Variants in EHF observed in about 807,000 individuals in gnomAD.
EHF encodes ETS homologous factor, also known as ESE3 transcription factor.
Under a neutral mutation model 45.1 loss-of-function variants are expected in EHF, and 14 were observed. That is an observed-to-expected ratio of 0.31 (90% CI 0.21 to 0.49). The LOEUF is 0.49. Ranked by LOEUF, EHF falls within the 20% of genes least tolerant of loss-of-function variation. The pLI, the probability that EHF is intolerant of heterozygous loss-of-function variation, is 0.99. For synonymous variants in EHF, 136 were observed against 131.8 expected (o/e 1.03, Z -0.22); for missense variants, 282 against 371.4 (o/e 0.76, Z 1.98).
Position 34,646,491 on chromosome 11 carries a change from G to T in EHF, c.150G>T (p.Trp50Cys). The change falls in exon 3 of 9, where the codon TGG becomes TGT. Residue 50 changes from tryptophan (W) to cysteine (C), a missense_variant. By Grantham distance (215) the Trp-to-Cys change is radical. This residue lies in a region of EHF where 213 missense variants were observed against 247.3 expected (regional missense o/e 0.86). Coordinates refer to ENST00000257831, the MANE Select transcript of EHF (RefSeq NM_012153.6). Reference sequence around the variant, plus strand: ...GGCATGAAATTCATCCTCAGTACTGGACCAAGTACCAGGTGTGGGAGTGGC... The same window carrying T: ...GGCATGAAATTCATCCTCAGTACTGTACCAAGTACCAGGTGTGGGAGTGGC... ...GQWHEIHPQY[W>C]TKYQVWEWLQ... 6.2e-7 allele frequency: 1 copy of T among 1,614,064 alleles called. No homozygotes were observed. Among genetic ancestry groups the T allele is most frequent in the Non-Finnish European group, 8.5e-7 (1 of 1,179,996 alleles).
At chr11:34,633,694 A>C (rs1853116719) in intron 1 of EHF, among the ~76,000 whole-genome samples, 1 of 152,154 alleles carries the variant, frequency 6.6e-6, no homozygotes, top group Admixed American at 6.5e-5. Context: ...GTTTCTTTTG[A>C]GGCCTCAAAA....
intron 2 of EHF, among the ~76,000 whole-genome samples, chr11:34,645,126 A>G (rs1217934385): frequency 6.6e-6 from 1 of 152,086 alleles, no homozygotes; most frequent in Non-Finnish European, 1.5e-5. Flanking sequence ...ATCTATTTCC[A>G]AGGGAACTGT....
chr11:34,634,451 G>A (rs1853199440), intron 1 of EHF, among the ~76,000 whole-genome samples: 1 of 152,238 alleles, frequency 6.6e-6, no homozygotes, highest in African/African-American at 2.4e-5. Flanking sequence ...AATGTGGTTG[G>A]ATGAATAAGG....
intron 6 of EHF, among the ~76,000 whole-genome samples, chr11:34,655,162 T>G (rs1330896124): frequency 6.6e-6 from 1 of 152,156 alleles, no homozygotes; most frequent in Non-Finnish European, 1.5e-5. Context: ...CCAAGTCAGG[T>G]GCAGGCCCTG....
chr11:34,639,678 G>A (rs997296479), intron 1 of EHF, among the ~76,000 whole-genome samples: 2 of 152,204 alleles, frequency 1.3e-5, no homozygotes, highest in Non-Finnish European at 2.9e-5. Context: ...GAGCTCAAGC[G>A]AACTCTGACT....
chr11:34,632,102 G>A (rs574057593), intron 1 of EHF, among the ~76,000 whole-genome samples: 55 of 152,232 alleles, frequency 3.6e-4, no homozygotes, highest in African/African-American at 1.3e-3. Flanking sequence ...AACTGAAAAC[G>A]CAGGTTTTTC....
intron 3 of EHF, 80 bp from the exon 4 acceptor site, chr11:34,648,939 T>C: frequency 2.2e-6 from 3 of 1,349,328 alleles, no homozygotes; most frequent in Admixed American, 1.7e-5. Context: ...TCTGCAAAGA[T>C]GCCAGTTCTG....
In EHF at chr11:34,640,068, T is replaced by C. The variant is rs564634231; in HGVS notation, c.-3-2560T>C. Among the ~76,000 whole-genome samples, 3 of 151,958 alleles carry C rather than the reference T, an allele frequency of 2.0e-5. No individual in the cohort carries two copies. The South Asian group carries it at 6.3e-4, about 32-fold the overall frequency. On this transcript the variant is annotated intron_variant, in intron 1 of 8. Transcript: ENST00000257831. ...TGCCAAGCTCTCTATGTGCATGACC[T>C]CATTTGATTCTTACAGCCCTTTGAG...
rs146361513 is a variant in EHF, at chr11:34,658,977, C to T, written c.*46C>T. 1.4e-6 allele frequency: 2 copies of T among 1,442,790 alleles called. No individual in the cohort carries two copies. Among genetic ancestry groups the T allele is most frequent in the African/African-American group, 2.9e-5 (2 of 70,080 alleles). The allele number at this position is 1,442,790 out of a possible 1,614,324, so 89.4% of individuals were successfully genotyped here. A position where few individuals can be genotyped will look rare whatever the true frequency, so the allele number is the denominator to read the frequency against. ...CAAACCAAAACACACACCAAATAATCAGAAACAAAGAACTCCTGGACGTAA... is the reference window on the plus strand; with the variant it reads ...CAAACCAAAACACACACCAAATAATTAGAAACAAAGAACTCCTGGACGTAA... On this transcript the variant is annotated 3_prime_UTR_variant, in exon 9 of 9. Coordinates refer to ENST00000257831, the MANE Select transcript of EHF (RefSeq NM_012153.6).
intron 1 of EHF, chr11:34,624,425 CATAG>C: frequency 2.3e-6 from 1 of 430,368 alleles, no homozygotes; most frequent in Non-Finnish European, 3.1e-6. Context: ...GAAAGGAGGG[CATAG>C]ATAATTAACT....
chr11:34,643,065 G>GGTGT lies in EHF; in HGVS notation c.97+340_97+341insGTGT, dbSNP rs76080001. Among the ~76,000 whole-genome samples, 1,396 of 145,018 alleles carry GGTGT rather than the reference G, an allele frequency of 9.6e-3. 9 individuals carry two copies. Among genetic ancestry groups the GGTGT allele is most frequent in the Middle Eastern group, 0.024 (7 of 292 alleles). Reference sequence around the variant, plus strand: ...TATCAAGATAGGCTAGGAGAGAAAGGGTATGTGTGTGTGTGTGTGTGTGTG... The same window carrying GGTGT: ...TATCAAGATAGGCTAGGAGAGAAAGGGTGTGTATGTGTGTGTGTGTGTGTGTGTG... On this transcript the variant is annotated intron_variant, in intron 2 of 8. Transcript: ENST00000257831.
At chr11:34,658,492 G>A in intron 7 of EHF, 41 bp from the exon 8 acceptor site, 1 of 1,567,810 alleles carries the variant, frequency 6.4e-7, no homozygotes, top group Non-Finnish European at 8.7e-7. Flanking sequence ...TCTTTGCTGT[G>A]ACTTAGATCA....
intron 1 of EHF, among the ~76,000 whole-genome samples, chr11:34,623,245 C>T (rs1358076553): frequency 6.6e-6 from 1 of 152,028 alleles, no homozygotes. Context: ...GCCACTATGC[C>T]CAGTTAAGTT....
chr11:34,644,990 G>C (rs576303552), intron 2 of EHF, among the ~76,000 whole-genome samples: 3 of 152,324 alleles, frequency 2.0e-5, no homozygotes, highest in African/African-American at 7.2e-5. Flanking sequence ...GTCCACCCTT[G>C]AATTTGTTGG....
chr11:34,646,779 G>A, intron 3 of EHF, 95 bp downstream of exon 3: 1 of 1,501,176 alleles, frequency 6.7e-7, no homozygotes, highest in Non-Finnish European at 9.1e-7. Context: ...TCAGGGACAA[G>A]AAAGAGTGGT....
intron 1 of EHF, among the ~76,000 whole-genome samples, chr11:34,635,382 C>A (rs142682236): frequency 1.3e-5 from 2 of 151,530 alleles, no homozygotes; most frequent in East Asian, 3.9e-4. Context: ...CAGTTCCCTG[C>A]CAGTGGCCCA....
chr11:34,656,757 T>A, intron 6 of EHF, 151 bp from the exon 7 acceptor site: 1 of 763,332 alleles, frequency 1.3e-6, no homozygotes, highest in Non-Finnish European at 2.1e-6. Context: ...GCATTTATCA[T>A]CTCTGTTTTG....
chr11:34,637,696 TAA>T (rs1853581283), intron 1 of EHF, among the ~76,000 whole-genome samples: 1 of 152,134 alleles, frequency 6.6e-6, no homozygotes, highest in Non-Finnish European at 1.5e-5. Flanking sequence ...TCTCTTCAAA[TAA>T]AGAGTACGAT....
At chr11:34,648,910 G>A (rs1854858007) in intron 3 of EHF, 109 bp from the exon 4 acceptor site, 1 of 1,018,652 alleles carries the variant, frequency 9.8e-7, no homozygotes, top group Non-Finnish European at 1.5e-6. Flanking sequence ...AGGTGACCAG[G>A]CAGTAGGATG....
Sources: allele counts gnomAD v4.1 joint callset (sites outside exome capture counted in the v4.1 genomes callset), GRCh38; gene constraint gnomAD v4.1.1; regional missense constraint gnomAD v4.1.1; transcripts MANE v1.5; gene names NCBI Gene and HGNC (gene_info 2026-07-23, HGNC 2026-07-21).